ZNF518A: variants seen among roughly 807,000 people sequenced by gnomAD.
ZNF518A encodes zinc finger protein 518A.
In ZNF518A, 47 loss-of-function variants were observed where a neutral mutation model predicts 102.7. The ratio of observed to expected loss-of-function variants is 0.46; its 90% CI spans 0.36 to 0.58. ZNF518A has a LOEUF of 0.58. Among genes scored for constraint, ZNF518A ranks in the 20% least tolerant of loss-of-function variants. The pLI is 0.00. For missense variants in ZNF518A, 1,793 were observed against 1,699.8 expected, an observed-to-expected ratio of 1.05 and a Z score of -0.96; for synonymous variants, 652 against 594.6, an observed-to-expected ratio of 1.10 and a Z score of -1.40.
At chr10:96,141,325 G>A (rs1051327541) in intron 3 of ZNF518A, among the ~76,000 whole-genome samples, 6 of 152,208 alleles carry the variant, frequency 3.9e-5, no homozygotes, top group Admixed American at 1.3e-4. Flanking sequence ...GAGAGATTTA[G>A]TGTGTATTGT....
chr10:96,148,868 AC>A (rs1434413472), intron 3 of ZNF518A, among the ~76,000 whole-genome samples: 1 of 151,820 alleles, frequency 6.6e-6, no homozygotes, highest in African/African-American at 2.4e-5. Context: ...GGCGCCCACC[AC>A]CACACCCGGC....
intron 1 of ZNF518A, among the ~76,000 whole-genome samples, chr10:96,182,726 G>A (rs994529954): frequency 6.6e-6 from 1 of 152,164 alleles, no homozygotes; most frequent in African/African-American, 2.4e-5. Context: ...GATTCGGTTT[G>A]CCAGTATTTT....
At position 96,160,276 on chromosome 10, in the gene ZNF518A, G is replaced by C. The variant is rs2082940911; in HGVS notation, c.3954G>C (p.Arg1318Ser). Residue 1318 changes from arginine (R) to serine (S), a missense_variant, in exon 6 of 6, where the codon AGG becomes AGC. By Grantham distance (110) the Arg-to-Ser change is moderately radical (BLOSUM62 -1). Coordinates refer to ENST00000316045, the MANE Select transcript of ZNF518A (RefSeq NM_001330736.2). ...VRETFGFSRP[R>S]LSKDSIRTLR... is the part of the protein sequence containing the mutation. ...AAACATTTGGATTTAGCAGACCTAGGCTTTCAAAAGATTCCATCAGAACTT... is the reference window on the plus strand; with the variant it reads ...AAACATTTGGATTTAGCAGACCTAGCCTTTCAAAAGATTCCATCAGAACTT... 6.2e-7 allele frequency: 1 copy of C among 1,613,446 alleles called. No individual in the cohort carries two copies. The highest frequency in any genetic ancestry group is 1.7e-5 in the Admixed American group (1 of 59,920).
intron 1 of ZNF518A, chr10:96,189,670 GC>G: frequency 1.4e-6 from 1 of 718,730 alleles, no homozygotes; most frequent in South Asian, 1.4e-5. Context: ...CTTCAATGGT[GC>G]TTTTTCTTCA....
chr10:96,152,923 TGA>T (rs1482468625), intron 3 of ZNF518A, among the ~76,000 whole-genome samples: 3 of 152,150 alleles, frequency 2.0e-5, no homozygotes, highest in Admixed American at 6.5e-5. Context: ...CATAAATACA[TGA>T]GAGGGGATTT....
At position 96,200,663 on chromosome 10, in the gene ZNF518A, G is replaced by A. The variant is rs1331625686; in HGVS notation, n.36-2911G>A. Among the ~76,000 whole-genome samples the A allele has an allele frequency of 5.9e-5, 9 of 152,180 alleles. No individual in the cohort carries two copies. Among genetic ancestry groups the A allele is most frequent in the African/African-American group, 9.7e-5 (4 of 41,442 alleles). On this transcript the variant is annotated intron_variant and non_coding_transcript_variant, in intron 1 of 2. Transcript: ENST00000442635. The surrounding 1 kb of genome is among the most constrained non-coding windows in gnomAD (Gnocchi z 4.3). ...CTTTATAAACTGTGCTGTCTTATAT[G>A]TGATTTAATATCATCAGCCTCTACA...
rs587600229 is a variant in ZNF518A, at chr10:96,169,424, G to A, written n.35+13377G>A. ...CAATCTTAGAGTTCACAGATTCTTT[G>A]TTTTGCTAGCTTACATCTGCTGTTG... On this transcript the variant is annotated intron_variant and non_coding_transcript_variant, in intron 1 of 2. Transcript: ENST00000442635. 1.5e-4 allele frequency among the ~76,000 whole-genome samples: 23 copies of A among 152,212 alleles called. No individual in the cohort carries two copies. The South Asian group carries it at 4.8e-3, about 32-fold the overall frequency.
In ZNF518A at chr10:96,156,369, C is replaced by T. The variant is rs782495485; in HGVS notation, c.47C>T (p.Thr16Ile). Residue 16 changes from threonine (T) to isoleucine (I), a missense_variant, in exon 6 of 6, where the codon ACT (threonine) becomes ATT (isoleucine). This residue lies in a region of ZNF518A where 1,741 missense variants were observed against 1,622.6 expected (regional missense o/e 1.07). Coordinates refer to ENST00000316045, the MANE Select transcript of ZNF518A (RefSeq NM_001330736.2). ...KQLFCDEKQT[T>I]LKKDYDVKNE... is the part of the protein sequence containing the mutation. ...TTATTTTGTGATGAAAAACAAACTA[C>T]TTTAAAAAAAGATTATGATGTGAAA... 6.3e-7 allele frequency: 1 copy of T among 1,592,072 alleles called. No individual in the cohort carries two copies. Among genetic ancestry groups the T allele is most frequent in the South Asian group, 1.2e-5 (1 of 85,712 alleles).
chr10:96,148,451 A>G (rs1189612486), intron 3 of ZNF518A, among the ~76,000 whole-genome samples: 3 of 152,192 alleles, frequency 2.0e-5, no homozygotes, highest in Admixed American at 2.0e-4. Context: ...AAAAAAAAAA[A>G]TGTTTTGTCT....
chr10:96,135,759 C>T lies in ZNF518A; in HGVS notation c.-302+2111C>T, dbSNP rs868945700. 2.4e-4 allele frequency among the ~76,000 whole-genome samples: 36 copies of T among 152,210 alleles called. No individual in the cohort carries two copies. The Middle Eastern group carries it at 0.031, about 129-fold the overall frequency. ...TAATAATGTAAGAACAAGAAGAATT[C>T]CTTGTCTTGGAAGTGCTTCTAGTTA... On this transcript the variant is annotated intron_variant, in intron 3 of 5. Coordinates refer to ENST00000316045, the MANE Select transcript of ZNF518A (RefSeq NM_001330736.2).
intron 3 of ZNF518A, among the ~76,000 whole-genome samples, chr10:96,136,678 G>T (rs2142362059): frequency 6.6e-6 from 1 of 152,062 alleles, no homozygotes; most frequent in African/African-American, 2.4e-5. Context: ...TGTTTTTAAA[G>T]ATAAGGAACA....
Position 96,162,737 on chromosome 10 carries a change from CAA to C in ZNF518A, c.*1964_*1965del, listed in dbSNP as rs587619974. The C allele has an allele frequency of 1.5e-3, 243 of 166,056 alleles. 1 individual carries two copies. The highest frequency in any genetic ancestry group is 5.6e-3 in the African/African-American group (232 of 41,520). 10.3% of individuals were successfully genotyped at this position (166,056 alleles called of 1,614,324 possible). A position where few individuals can be genotyped will look rare whatever the true frequency, so the allele number is the denominator to read the frequency against. On this transcript the variant is annotated 3_prime_UTR_variant, in exon 6 of 6. Transcript: ENST00000316045. ...TAAATTTATCTTGTTTGTGTTTACA[CAA>C]TAATTTTTTTACTGTGCTAAAATCT...
In ZNF518A at chr10:96,156,274, C is replaced by A; in HGVS notation, c.-49C>A. On this transcript the variant is annotated 5_prime_UTR_variant, in exon 6 of 6. Coordinates refer to ENST00000316045, the MANE Select transcript of ZNF518A (RefSeq NM_001330736.2). The stretch of plus-strand genomic sequence containing the variant: ...CGTTTCCTGTTTAAATTACAGATAA[C>A]TTCAAGAGTTTTCAGAAAAAAAGAA... 6.6e-7 allele frequency: 1 copy of A among 1,516,802 alleles called. No homozygotes were observed. 94.0% of individuals were successfully genotyped at this position (1,516,802 alleles called of 1,614,324 possible). A position where few individuals can be genotyped will look rare whatever the true frequency, so the allele number is the denominator to read the frequency against.
At position 96,157,154 on chromosome 10, in the gene ZNF518A, G is replaced by A. The variant is rs1554883074; in HGVS notation, c.832G>A (p.Val278Ile). Residue 278 changes from valine to isoleucine, a missense_variant, in exon 6 of 6, where the codon GTA becomes ATA. Transcript: ENST00000316045. Reference protein sequence around the residue: ...SYGATRREHLVRHVITLHKEH... With the variant: ...SYGATRREHLIRHVITLHKEH... The stretch of plus-strand genomic sequence containing the variant: ...TGGTGCCACCAGGAGAGAACACCTT[G>A]TAAGACATGTTATAACTTTGCACAA... 6.2e-7 allele frequency: 1 copy of A among 1,613,564 alleles called. No individual in the cohort carries two copies. Among genetic ancestry groups the A allele is most frequent in the Admixed American group, 1.7e-5 (1 of 59,940 alleles).
chr10:96,190,180 G>C, intron 1 of ZNF518A: 1 of 804,822 alleles, frequency 1.2e-6, no homozygotes, highest in South Asian at 1.3e-5. Context: ...ATAGTTCTGG[G>C]CCTCAGGGGG....
chr10:96,204,423 GGA>G, downstream of ZNF518A: 5 of 1,248,258 alleles, frequency 4.0e-6, no homozygotes, highest in Non-Finnish European at 5.9e-6. Context: ...ATGAAATGTT[GGA>G]TTTTTACCTA....
Position 96,200,273 on chromosome 10 carries a change from A to T in ZNF518A, n.36-3301A>T. 1.5e-6 allele frequency: 1 copy of T among 686,640 alleles called. No individual in the cohort carries two copies. The highest frequency in any genetic ancestry group is 2.5e-6 in the Non-Finnish European group (1 of 394,524). The allele number at this position is 686,640 out of a possible 1,614,324, so 42.5% of individuals were successfully genotyped here. A position where few individuals can be genotyped will look rare whatever the true frequency, so the allele number is the denominator to read the frequency against. On this transcript the variant is annotated intron_variant and non_coding_transcript_variant, in intron 1 of 2. Coordinates refer to the ZNF518A transcript ENST00000442635. This position sits in a 1 kb window ranked among gnomAD's most constrained non-coding sequence, Gnocchi z 4.3. ...CAAGACAGGCCTCTACATTTACACC[A>T]ATAATTTTAAGATGAGTTTTATTTT...
At chr10:96,192,456 T>G (rs1042384538) in intron 1 of ZNF518A, among the ~76,000 whole-genome samples, 18 of 152,220 alleles carry the variant, frequency 1.2e-4, no homozygotes, top group African/African-American at 4.3e-4. Context: ...TCTCTTACTT[T>G]GCACAAGTCT....
chr10:96,160,992 A>G lies in ZNF518A; in HGVS notation c.*218A>G, dbSNP rs782481041. On this transcript the variant is annotated 3_prime_UTR_variant, in exon 6 of 6. Transcript: ENST00000316045. The stretch of plus-strand genomic sequence containing the variant: ...AGTTTTGAAAGAAACTAATCACAGC[A>G]CAGAAGTACCTTGATTTAATTTTTT... The G allele has an allele frequency of 8.9e-6, 4 of 451,718 alleles. No homozygotes were observed. Among genetic ancestry groups the G allele is most frequent in the Non-Finnish European group, 1.5e-5 (4 of 260,010 alleles). The allele number at this position is 451,718 out of a possible 1,614,324, so 28.0% of individuals were successfully genotyped here.
Sources: allele counts gnomAD v4.1 joint callset (sites outside exome capture counted in the v4.1 genomes callset), GRCh38; gene constraint gnomAD v4.1.1; regional missense constraint gnomAD v4.1.1; non-coding constraint Gnocchi (gnomAD v3.1); transcripts MANE v1.5; gene names NCBI Gene and HGNC (gene_info 2026-07-23, HGNC 2026-07-21).